Variants in CEP95 observed in about 807,000 individuals in gnomAD.
CEP95 encodes the protein centrosomal protein of 95 kDa.
CEP95 carries 98 observed loss-of-function variants against 111.2 expected under a neutral mutation model. The ratio of observed to expected loss-of-function variants is 0.88; its 90% confidence interval spans 0.75 to 1.04. The LOEUF (loss-of-function observed/expected upper bound fraction) is 1.04. CEP95 is among the 50% of genes least tolerant of loss of function. The pLI is 0.00. For synonymous variants in CEP95, 323 were observed against 327.1 expected, an observed-to-expected ratio of 0.99 and a Z score of 0.14; for missense variants, 1,027 against 977.2, an observed-to-expected ratio of 1.05 and a Z score of -0.68.
At position 64,519,456 on chromosome 17, in the gene CEP95, G is replaced by A; in HGVS notation, c.589+20G>A. On this transcript the variant is annotated intron_variant, in intron 6 of 19. Coordinates refer to ENST00000556440, the MANE Select transcript of CEP95 (RefSeq NM_138363.3). ...GTAATGGTGAGTAGTTAAACCTGAA[G>A]TATCAGTTATTATTCAACATACAAC... 6 of 1,526,648 alleles carry A rather than the reference G, an allele frequency of 3.9e-6. No individual in the cohort carries two copies. The highest frequency in any genetic ancestry group is 5.4e-6 in the Non-Finnish European group (6 of 1,101,240). The allele number at this position is 1,526,648 out of a possible 1,614,324, so 94.6% of individuals were successfully genotyped here. A position where few individuals can be genotyped will look rare whatever the true frequency, so the allele number is the denominator to read the frequency against.
At chr17:64,513,427 G>T (rs1555675581) in intron 3 of CEP95, among the ~76,000 whole-genome samples, 1 of 152,098 alleles carries the variant, frequency 6.6e-6, no homozygotes, top group African/African-American at 2.4e-5. Context: ...AAGTTTCCAT[G>T]CTTTTTGCCA....
chr17:64,513,829 A>G (rs1240304723), intron 3 of CEP95, among the ~76,000 whole-genome samples: 2 of 152,188 alleles, frequency 1.3e-5, no homozygotes, highest in Admixed American at 1.3e-4. Flanking sequence ...ACCATTTAGA[A>G]TAGGATACCA....
At chr17:64,537,342 T>G in intron 19 of CEP95, 2 of 1,405,052 alleles carry the variant, frequency 1.4e-6, no homozygotes, top group Non-Finnish European at 1.9e-6. Context: ...ACATGACTAA[T>G]TTACATTTTT....
Position 64,525,759 on chromosome 17 carries a change from G to C in CEP95, c.910-11G>C. ...GCTTTTTCAAATCAACTTTTTTTCTGTTTTTAATAGGATCTAGATGATGGA... is the reference window on the plus strand; with the variant it reads ...GCTTTTTCAAATCAACTTTTTTTCTCTTTTTAATAGGATCTAGATGATGGA... On this transcript the variant is annotated splice_polypyrimidine_tract_variant and intron_variant, in intron 8 of 19. Coordinates refer to ENST00000556440, the MANE Select transcript of CEP95 (RefSeq NM_138363.3). The C allele has an allele frequency of 6.4e-7, 1 of 1,566,386 alleles. No individual in the cohort carries two copies. Among genetic ancestry groups the C allele is most frequent in the Non-Finnish European group, 8.7e-7 (1 of 1,149,390 alleles).
chr17:64,527,243 G>A lies in CEP95; in HGVS notation c.1285G>A (p.Gly429Arg), dbSNP rs1555679298. ...SQHSDGIVEY[G>R]PKKSRPGLSM... ...GCACAGTGATGGCATCGTGGAGTAT[G>A]GGCCAAAGAAGTCAAGGCCAGGTAC... The change falls in exon 11 of 20, where the codon GGG (glycine) becomes AGG (arginine). Residue 429 changes from glycine (G) to arginine (R), a missense_variant. Coordinates refer to ENST00000556440, the MANE Select transcript of CEP95 (RefSeq NM_138363.3). 2 of 1,612,286 alleles carry A rather than the reference G, an allele frequency of 1.2e-6. No homozygotes were observed.
At chr17:64,526,482 C>T (rs1967832833) in intron 10 of CEP95, among the ~76,000 whole-genome samples, 1 of 152,110 alleles carries the variant, frequency 6.6e-6, no homozygotes, top group Non-Finnish European at 1.5e-5. Context: ...TTAGATATGT[C>T]TTTATAGTTC....
chr17:64,534,533 C>A, intron 16 of CEP95, 52 bp from the exon 17 acceptor site: 1 of 1,520,112 alleles, frequency 6.6e-7, no homozygotes, highest in East Asian at 2.3e-5. Flanking sequence ...ACGCTGGAAT[C>A]TGCATTCCTC....
At chr17:64,516,498 A>C (rs574766373) in intron 4 of CEP95, among the ~76,000 whole-genome samples, 1 of 152,172 alleles carries the variant, frequency 6.6e-6, no homozygotes, top group African/African-American at 2.4e-5. Context: ...TGCTCATACA[A>C]CTGTAGACCC....
At chr17:64,518,788 C>T (rs1480878379) in intron 5 of CEP95, among the ~76,000 whole-genome samples, 1 of 151,970 alleles carries the variant, frequency 6.6e-6, no homozygotes, top group Admixed American at 6.5e-5. Context: ...TCAAGCAGTT[C>T]TCCCGCCTCA....
chr17:64,537,010 T>C, intron 18 of CEP95, 31 bp from the exon 19 acceptor site: 2 of 1,565,860 alleles, frequency 1.3e-6, no homozygotes, highest in Non-Finnish European at 1.7e-6. Context: ...ACATTAAATA[T>C]AATATTTGTT....
chr17:64,534,879 C>G (rs1968545919), intron 17 of CEP95, 142 bp downstream of exon 17: 1 of 870,122 alleles, frequency 1.1e-6, no homozygotes, highest in Admixed American at 2.2e-5. Flanking sequence ...CTGAGTTCTG[C>G]TTGGCCACAC....
At chr17:64,535,199 T>A (rs1331438589) in intron 17 of CEP95, 1 of 172,270 alleles carries the variant, frequency 5.8e-6, no homozygotes, top group Non-Finnish European at 1.2e-5. Flanking sequence ...GCAATAAATT[T>A]CATCTGTAAA....
At chr17:64,519,797 G>T (rs960898089) in intron 6 of CEP95, among the ~76,000 whole-genome samples, 1 of 152,180 alleles carries the variant, frequency 6.6e-6, no homozygotes, top group Non-Finnish European at 1.5e-5. Flanking sequence ...GAACCAATAA[G>T]TTCGTATATG....
At chr17:64,516,344 G>A (rs538009069) in intron 4 of CEP95, among the ~76,000 whole-genome samples, 36 of 152,296 alleles carry the variant, frequency 2.4e-4, no homozygotes, top group African/African-American at 7.5e-4. Context: ...GCCTGACTCA[G>A]CCTAAGGCAT....
chr17:64,517,877 G>GT (rs1209954142), intron 5 of CEP95, among the ~76,000 whole-genome samples: 2 of 151,722 alleles, frequency 1.3e-5, no homozygotes, highest in East Asian at 1.9e-4. Context: ...TTCTCAAGTT[G>GT]TTTAATTTTT....
chr17:64,507,263 G>T (rs1436771805), intron 1 of CEP95, 147 bp downstream of exon 1: 4 of 1,497,404 alleles, frequency 2.7e-6, no homozygotes, highest in Non-Finnish European at 3.6e-6. Flanking sequence ...CCCTGGATAG[G>T]GTCTCTCAGC....
At chr17:64,514,198 T>C in intron 3 of CEP95, 50 bp from the exon 4 acceptor site, 1 of 731,526 alleles carries the variant, frequency 1.4e-6, no homozygotes, top group Middle Eastern at 3.4e-4. Context: ...ATTATGAAGC[T>C]TTCAGATTTC....
At position 64,534,576 on chromosome 17, in the gene CEP95, C is replaced by T. The variant is rs1293654055; in HGVS notation, c.1918-9C>T. The T allele has an allele frequency of 2.5e-6, 4 of 1,612,298 alleles. No individual in the cohort carries two copies. The African/African-American group carries it at 5.3e-5, about 22-fold the overall frequency. On this transcript the variant is annotated splice_polypyrimidine_tract_variant and intron_variant, in intron 16 of 19. Transcript: ENST00000556440. ...TACCCTTCTCTTCCCTCCCCTTTCC[C>T]TTTCTTAGCAAGACTTCAAGGACTG...
intron 6 of CEP95, among the ~76,000 whole-genome samples, chr17:64,521,040 C>T (rs968400469): frequency 2.6e-5 from 4 of 152,002 alleles, no homozygotes; most frequent in African/African-American, 7.3e-5. Flanking sequence ...GGTAGGAGTT[C>T]GAGACCAGCC....
Sources: gnomAD v4.1 joint callset for allele counts (sites outside exome capture counted in the v4.1 genomes callset) on GRCh38, gnomAD v4.1.1 for gene constraint, MANE v1.5 for transcripts, NCBI Gene and HGNC (gene_info 2026-07-23, HGNC 2026-07-21) for gene names.